TLE1: variants seen among roughly 807,000 people sequenced by gnomAD.
The protein encoded by TLE1 is TLE family member 1, transcriptional corepressor.
TLE1 carries 21 observed loss-of-function variants against 89.8 expected under a neutral mutation model. The ratio of observed to expected loss-of-function variants is 0.23; its 90% CI spans 0.17 to 0.34. The LOEUF is 0.34. TLE1 is among the 10% of genes least tolerant of loss of function. The probability of loss-of-function intolerance (pLI) is 1.00; values close to 1 mark genes in which losing one functional copy is unlikely to be tolerated. For synonymous variants in TLE1, 447 were observed against 407.6 expected (o/e 1.10, Z -1.16); for missense variants, 795 against 1,031.2 (o/e 0.77, Z 3.14).
At chr9:81,686,473 T>C (rs1160818931) in intron 2 of TLE1, among the ~76,000 whole-genome samples, 9 of 152,174 alleles carry the variant, frequency 5.9e-5, no homozygotes, top group African/African-American at 1.9e-4. Flanking sequence ...TGCAGAGATA[T>C]TATCTACAAG....
At chr9:81,608,861 C>T (rs1266964675) in intron 14 of TLE1, among the ~76,000 whole-genome samples, 5 of 151,660 alleles carry the variant, frequency 3.3e-5, no homozygotes, top group Admixed American at 3.3e-4. Context: ...TGCTTGAACC[C>T]GGGAGGCAGA....
rs1828043144 is a variant in TLE1, at chr9:81,584,431, G to A, written c.2205+17C>T. On this transcript the variant is annotated intron_variant, in intron 19 of 19. Coordinates refer to ENST00000376499, the MANE Select transcript of TLE1 (RefSeq NM_005077.5). ...CTGTGGTCAAACTGTGGATCTAGGT[G>A]AGGAGTACTTACTCACCTGGAATAT... 6.2e-7 allele frequency: 1 copy of A among 1,613,962 alleles called. No individual in the cohort carries two copies. The highest frequency in any genetic ancestry group is 8.5e-7 in the Non-Finnish European group (1 of 1,179,908).
chr9:81,656,960 T>C (rs1283412335), intron 4 of TLE1, among the ~76,000 whole-genome samples: 1 of 152,246 alleles, frequency 6.6e-6, no homozygotes, highest in Non-Finnish European at 1.5e-5. Context: ...GTACCAATTA[T>C]TGCGAGTTTA....
intron 15 of TLE1, among the ~76,000 whole-genome samples, chr9:81,592,080 C>T (rs1019847532): frequency 1.3e-5 from 2 of 152,190 alleles, no homozygotes; most frequent in African/African-American, 4.8e-5. Context: ...GGAACATGGC[C>T]GGGCGCGGTG....
At chr9:81,676,661 CAG>C (rs2133049319) in intron 4 of TLE1, among the ~76,000 whole-genome samples, 1 of 152,266 alleles carries the variant, frequency 6.6e-6, no homozygotes, top group South Asian at 2.1e-4. Context: ...GAGGTCATCA[CAG>C]GGGGAAGTCA....
chr9:81,592,097 G>C (rs112335058), intron 15 of TLE1, among the ~76,000 whole-genome samples: 1 of 152,194 alleles, frequency 6.6e-6, no homozygotes, highest in South Asian at 2.1e-4. Flanking sequence ...GGTGGCTCAC[G>C]CCTATAATCC....
At chr9:81,624,358 A>G (rs1355052503) in intron 8 of TLE1, among the ~76,000 whole-genome samples, 3 of 152,346 alleles carry the variant, frequency 2.0e-5, no homozygotes, top group African/African-American at 7.2e-5. Context: ...AAAAGGCCTC[A>G]GCAGAGTGAC....
intron 14 of TLE1, among the ~76,000 whole-genome samples, chr9:81,608,990 CA>C (rs1269578208): frequency 6.6e-6 from 1 of 151,768 alleles, no homozygotes; most frequent in Non-Finnish European, 1.5e-5. Flanking sequence ...AAAAAAGCAA[CA>C]ACATTTGCAA....
chr9:81,601,436 T>C (rs772520729), intron 14 of TLE1, among the ~76,000 whole-genome samples: 5 of 152,166 alleles, frequency 3.3e-5, no homozygotes, highest in Non-Finnish European at 5.9e-5. Context: ...CTAAATTACA[T>C]GTCTGGCATT....
At chr9:81,592,148 G>A (rs1256591057) in intron 15 of TLE1, among the ~76,000 whole-genome samples, 5 of 152,166 alleles carry the variant, frequency 3.3e-5, no homozygotes, top group Admixed American at 2.0e-4. Flanking sequence ...CACAAGGTCA[G>A]GAGATCGAGA....
In TLE1 at chr9:81,675,698, G is replaced by GTTTTTTTTTTTTTTTTT. The variant is rs35060460; in HGVS notation, c.234+9977_234+9978insAAAAAAAAAAAAAAAAA. Reference sequence around the variant, plus strand: ...AATTTTAGCATAAGGACTCACACTAGTTTTTTTTTGTTTTTTTTTTTGAGA... The same window carrying GTTTTTTTTTTTTTTTTT: ...AATTTTAGCATAAGGACTCACACTAGTTTTTTTTTTTTTTTTTTTTTTTTTTGTTTTTTTTTTTGAGA... On this transcript the variant is annotated intron_variant, in intron 4 of 19. Transcript: ENST00000376499. Among the ~76,000 whole-genome samples the GTTTTTTTTTTTTTTTTT allele has an allele frequency of 3.3e-3, 425 of 129,536 alleles. 75 individuals are homozygous for GTTTTTTTTTTTTTTTTT. Among genetic ancestry groups the GTTTTTTTTTTTTTTTTT allele is most frequent in the African/African-American group, 8.7e-3 (263 of 30,350 alleles). 85.0% of individuals were successfully genotyped at this position (129,536 alleles called of 152,430 possible).
intron 4 of TLE1, among the ~76,000 whole-genome samples, chr9:81,669,137 A>G (rs1831881018): frequency 6.6e-6 from 1 of 152,228 alleles, no homozygotes; most frequent in Admixed American, 6.5e-5. Flanking sequence ...ACTTCCTGCC[A>G]TTTGGACTGT....
chr9:81,645,956 T>C (rs979567732), intron 6 of TLE1, among the ~76,000 whole-genome samples: 5 of 152,156 alleles, frequency 3.3e-5, no homozygotes, highest in Non-Finnish European at 5.9e-5. Context: ...ATTCTGAAGC[T>C]TTTTTCTCCT....
intron 4 of TLE1, among the ~76,000 whole-genome samples, chr9:81,672,461 C>CG (rs1173690160): frequency 4.5e-5 from 4 of 89,246 alleles, no homozygotes; most frequent in Non-Finnish European, 7.9e-5. Flanking sequence ...AGCCTCCCAA[C>CG]AATTTTTTTT....
At chr9:81,686,841 T>C (rs1024750386) in intron 2 of TLE1, among the ~76,000 whole-genome samples, 1 of 152,152 alleles carries the variant, frequency 6.6e-6, no homozygotes, top group African/African-American at 2.4e-5. Context: ...TTTATACTAT[T>C]ATACCCACCT....
chr9:81,676,404 G>C (rs1425615242), intron 4 of TLE1, among the ~76,000 whole-genome samples: 1 of 152,190 alleles, frequency 6.6e-6, no homozygotes, highest in Admixed American at 6.5e-5. Context: ...GGTAGTCCCA[G>C]GCCGCCTTGA....
At chr9:81,613,354 C>G in intron 12 of TLE1, 23 bp downstream of exon 12, 2 of 1,607,512 alleles carry the variant, frequency 1.2e-6, no homozygotes, top group Non-Finnish European at 1.7e-6. Flanking sequence ...CCAAACAAAG[C>G]ACAACAAGAG....
At chr9:81,682,721 A>T (rs1221890159) in intron 4 of TLE1, among the ~76,000 whole-genome samples, 1 of 152,164 alleles carries the variant, frequency 6.6e-6, no homozygotes, top group Non-Finnish European at 1.5e-5. Context: ...TAACACTCTG[A>T]TGGTATCAGA....
intron 6 of TLE1, 46 bp from the exon 7 acceptor site, chr9:81,634,347 G>C: frequency 7.1e-7 from 1 of 1,415,022 alleles, no homozygotes. Context: ...GGAGGAGGAG[G>C]TAGTGGTGAC....
Sources: gnomAD v4.1 joint callset for allele counts (sites outside exome capture counted in the v4.1 genomes callset) on GRCh38, gnomAD v4.1.1 for gene constraint, MANE v1.5 for transcripts, NCBI Gene and HGNC (gene_info 2026-07-23, HGNC 2026-07-21) for gene names.